Variants in DIAPH2 observed in about 807,000 individuals in gnomAD.
DIAPH2 encodes the protein diaphanous related formin 2, also known as protein diaphanous homolog 2.
DIAPH2 carries 35 observed loss-of-function variants against 92.7 expected under a neutral mutation model. The observed-to-expected ratio is 0.38, with a 90% CI of 0.29 to 0.50. The LOEUF (loss-of-function observed/expected upper bound fraction) is 0.50, where lower values mean the gene tolerates loss of function less well. DIAPH2 is among the 20% of genes least tolerant of loss of function. The pLI, the probability that DIAPH2 is intolerant of heterozygous loss-of-function variation, is 0.94. For missense variants in DIAPH2, 701 were observed against 819.5 expected (o/e 0.86, Z 1.77); for synonymous variants, 301 against 280.4 (o/e 1.07, Z -0.73).
At chrX:97,208,288 A>G (rs749639178) in intron 22 of DIAPH2, among the ~76,000 whole-genome samples, 1 of 112,295 alleles carries the variant, frequency 8.9e-6, no homozygotes, top group African/African-American at 3.2e-5. Context: ...TAAACAAGAC[A>G]TGGTCCCTTT....
intron 17 of DIAPH2, among the ~76,000 whole-genome samples, chrX:97,016,351 T>C (rs1390651277): frequency 8.9e-6 from 1 of 112,299 alleles, no homozygotes; most frequent in African/African-American, 3.2e-5. Context: ...TTTGGAAGTA[T>C]TGAAAGTCAC....
At chrX:97,026,815 TG>T (rs2066338409) in intron 17 of DIAPH2, among the ~76,000 whole-genome samples, 1 of 112,540 alleles carries the variant, frequency 8.9e-6, no homozygotes, top group African/African-American at 3.2e-5. Context: ...TCCTTTAAAA[TG>T]GCTCTGATTT....
chrX:96,856,364 C>T, intron 4 of DIAPH2, among the ~76,000 whole-genome samples: 1 of 110,180 alleles, frequency 9.1e-6, no homozygotes, highest in Non-Finnish European at 1.9e-5. Context: ...TCCAGACACC[C>T]CAGTTCTCAC....
At chrX:96,946,244 C>G (rs1205227270) in intron 14 of DIAPH2, among the ~76,000 whole-genome samples, 2 of 111,488 alleles carry the variant, frequency 1.8e-5, no homozygotes, top group Non-Finnish European at 3.8e-5. Context: ...TTCCTTGTTT[C>G]ATGGAAGCAT....
At chrX:96,837,993 C>T (rs1221354359) in intron 4 of DIAPH2, among the ~76,000 whole-genome samples, 1 of 111,813 alleles carries the variant, frequency 8.9e-6, no homozygotes, top group Non-Finnish European at 1.9e-5. Flanking sequence ...GAGATCGTGA[C>T]TCAGAATTTA....
intron 20 of DIAPH2, among the ~76,000 whole-genome samples, chrX:97,111,150 C>T (rs2066977796): frequency 8.9e-6 from 1 of 112,030 alleles, no homozygotes; most frequent in African/African-American, 3.2e-5. Context: ...GAGGCAGAGC[C>T]TAAAAAAGAA....
chrX:97,562,812 A>C (rs770963946), intron 26 of DIAPH2, among the ~76,000 whole-genome samples: 51 of 112,122 alleles, frequency 4.5e-4, no homozygotes, highest in Non-Finnish European at 7.7e-4. Flanking sequence ...GGAGAATGCC[A>C]AGGTTATTAC....
intron 22 of DIAPH2, among the ~76,000 whole-genome samples, chrX:97,198,317 CAT>C (rs1314085737): frequency 2.0e-5 from 2 of 98,312 alleles, no homozygotes; most frequent in East Asian, 3.0e-4. Context: ...TGTGTATATA[CAT>C]ATATATATAC....
chrX:96,852,925 G>A (rs2065014826), intron 4 of DIAPH2, among the ~76,000 whole-genome samples: 1 of 111,578 alleles, frequency 9.0e-6, no homozygotes, highest in Non-Finnish European at 1.9e-5. Context: ...GTAAAAAGGT[G>A]CCCTATTAAT....
At chrX:97,147,084 G>A (rs1239438405) in intron 22 of DIAPH2, among the ~76,000 whole-genome samples, 4 of 111,522 alleles carry the variant, frequency 3.6e-5, no homozygotes, top group African/African-American at 1.3e-4. Flanking sequence ...TGAGGGAAGA[G>A]AGAGTATATC....
At chrX:97,200,262 G>C (rs1289939535) in intron 22 of DIAPH2, among the ~76,000 whole-genome samples, 1 of 112,362 alleles carries the variant, frequency 8.9e-6, no homozygotes, top group Non-Finnish European at 1.9e-5. Flanking sequence ...AAACTGGGCA[G>C]CTGTTTGGGC....
intron 13 of DIAPH2, 61 bp downstream of exon 13, chrX:96,942,197 C>G: frequency 1.5e-6 from 1 of 672,772 alleles, no homozygotes; most frequent in African/African-American, 2.1e-5. Flanking sequence ...ATTATAAGCA[C>G]TTTTTAAGTG....
chrX:96,741,413 C>T (rs982624395), intron 3 of DIAPH2, among the ~76,000 whole-genome samples: 12 of 108,857 alleles, frequency 1.1e-4, no homozygotes, highest in African/African-American at 3.3e-4. Context: ...CTGCTCTTAT[C>T]AATGTCACCA....
chrX:97,075,026 G>C, intron 18 of DIAPH2, 141 bp from the exon 19 acceptor site: 1 of 365,537 alleles, frequency 2.7e-6, no homozygotes, highest in Non-Finnish European at 4.8e-6. Context: ...CCATCAAATG[G>C]AACAACTTTT....
chrX:97,589,294 A>G (rs1223924527), intron 26 of DIAPH2, among the ~76,000 whole-genome samples: 3 of 76,731 alleles, frequency 3.9e-5, no homozygotes, highest in Admixed American at 1.8e-4. Context: ...TCCAGCCTGC[A>G]CGGCCGAGAG....
chrX:97,557,252 C>G (rs948129410), intron 26 of DIAPH2, among the ~76,000 whole-genome samples: 5 of 111,539 alleles, frequency 4.5e-5, no homozygotes, highest in African/African-American at 1.6e-4. Context: ...AGAATTGGGG[C>G]TTTAGGCCAG....
At chrX:97,060,854 T>C (rs991467523) in intron 17 of DIAPH2, among the ~76,000 whole-genome samples, 2 of 109,830 alleles carry the variant, frequency 1.8e-5, no homozygotes, top group African/African-American at 6.6e-5. Flanking sequence ...TATCCAACAA[T>C]TTTTTTTTTA....
chrX:97,075,120 A>T (rs2066696677), intron 18 of DIAPH2, 47 bp from the exon 19 acceptor site: 1 of 857,248 alleles, frequency 1.2e-6, no homozygotes, highest in Non-Finnish European at 1.7e-6. Flanking sequence ...TAGGACTTTA[A>T]CATGTTGATG....
At chrX:97,080,997 G>A (rs651415) in intron 19 of DIAPH2, among the ~76,000 whole-genome samples, 15,781 of 111,508 alleles carry the variant, frequency 0.14, 1,606 homozygotes, top group African/African-American at 0.36. Flanking sequence ...CTACAAGTAT[G>A]TCAATTAAGG....
Sources: gnomAD v4.1 joint callset for allele counts (sites outside exome capture counted in the v4.1 genomes callset) on GRCh38, gnomAD v4.1.1 for gene constraint, MANE v1.5 for transcripts, NCBI Gene and HGNC (gene_info 2026-07-23, HGNC 2026-07-21) for gene names.